The following CHST9 variants were observed in gnomAD, a reference collection of about 807,000 sequenced individuals.
CHST9 encodes carbohydrate sulfotransferase 9.
A neutral mutation model predicts 44.4 loss-of-function variants in CHST9; 41 were observed. The ratio of observed to expected loss-of-function variants is 0.92; its 90% CI spans 0.72 to 1.20. CHST9 has a LOEUF of 1.20. Among genes scored for constraint, CHST9 ranks in the 50% most tolerant of loss-of-function variants. CHST9 has a pLI of 0.00. For missense variants in CHST9, 504 were observed against 516.5 expected (o/e 0.98, Z 0.23); for synonymous variants, 171 against 178.4 (o/e 0.96, Z 0.33).
chr18:26,916,343 A>G lies in CHST9; in HGVS notation c.1248T>C (p.Asp416=). The change falls in exon 6 of 6, where the codon GAT becomes GAC. Residue 416 remains aspartate (D), a synonymous_variant. Transcript: ENST00000618847. ...NAQVVRQYLK[D]LTRTERQLIY... is the part of the protein sequence containing the mutation. ...TTAATTGTCTCTCAGTTCTAGTCAGATCCTTTAAATACTGTCTCACGACTT... is the reference window on the plus strand; with the variant it reads ...TTAATTGTCTCTCAGTTCTAGTCAGGTCCTTTAAATACTGTCTCACGACTT... 1 of 1,613,118 alleles carries G rather than the reference A, an allele frequency of 6.2e-7. No individual in the cohort carries two copies. Among genetic ancestry groups the G allele is most frequent in the Non-Finnish European group, 8.5e-7 (1 of 1,179,154 alleles).
intron 2 of CHST9, among the ~76,000 whole-genome samples, chr18:27,110,742 C>A (rs1193559709): frequency 6.6e-6 from 1 of 152,218 alleles, no homozygotes; most frequent in Non-Finnish European, 1.5e-5. Context: ...ATGCCAATTT[C>A]TTCATCTGTG....
At chr18:27,155,439 T>A (rs566147273) in intron 1 of CHST9, among the ~76,000 whole-genome samples, 14 of 152,288 alleles carry the variant, frequency 9.2e-5, no homozygotes, top group African/African-American at 3.1e-4. Context: ...CCAGATATGA[T>A]TAAGGCCCTG....
At chr18:26,955,454 GT>G (rs893078441) in intron 4 of CHST9, among the ~76,000 whole-genome samples, 1 of 152,090 alleles carries the variant, frequency 6.6e-6, no homozygotes, top group East Asian at 1.9e-4. Flanking sequence ...TACTCAAATA[GT>G]TTTTTTGGGG....
chr18:27,141,336 GC>G (rs1435235539), intron 2 of CHST9, among the ~76,000 whole-genome samples: 1 of 152,094 alleles, frequency 6.6e-6, no homozygotes, highest in Non-Finnish European at 1.5e-5. Flanking sequence ...CTGCACTCCA[GC>G]CTAGGCGACT....
intron 2 of CHST9, among the ~76,000 whole-genome samples, chr18:27,098,078 A>G (rs1328814849): frequency 6.6e-6 from 1 of 152,088 alleles, no homozygotes; most frequent in Non-Finnish European, 1.5e-5. Flanking sequence ...AACATCTAAT[A>G]TCCAGAATCT....
chr18:26,962,186 C>T (rs898685511), intron 4 of CHST9, among the ~76,000 whole-genome samples: 1 of 152,158 alleles, frequency 6.6e-6, no homozygotes, highest in African/African-American at 2.4e-5. Context: ...CACCCACTGA[C>T]TCTTCCAGCC....
At chr18:27,100,122 C>T (rs1040481353) in intron 2 of CHST9, among the ~76,000 whole-genome samples, 7 of 151,918 alleles carry the variant, frequency 4.6e-5, no homozygotes. Context: ...ACGAGTGCAG[C>T]TGGAAACAAT....
intron 4 of CHST9, among the ~76,000 whole-genome samples, chr18:26,998,269 C>G (rs1381454972): frequency 6.6e-6 from 1 of 152,164 alleles, no homozygotes; most frequent in African/African-American, 2.4e-5. Flanking sequence ...TCCTGTATCC[C>G]CTTTGAGGGA....
chr18:27,088,388 AC>A (rs2058033395), intron 2 of CHST9, among the ~76,000 whole-genome samples: 1 of 138,328 alleles, frequency 7.2e-6, no homozygotes, highest in Non-Finnish European at 1.6e-5. Flanking sequence ...AATTATTAAC[AC>A]TTTTTTTTTT....
intron 5 of CHST9, among the ~76,000 whole-genome samples, chr18:26,920,941 T>G (rs1299279463): frequency 6.6e-6 from 1 of 152,164 alleles, no homozygotes; most frequent in African/African-American, 2.4e-5. Flanking sequence ...AATCCGGATT[T>G]CCAGGCCTTA....
intron 4 of CHST9, among the ~76,000 whole-genome samples, chr18:27,006,545 G>T (rs538401675): frequency 1.3e-5 from 2 of 152,134 alleles, no homozygotes; most frequent in East Asian, 1.9e-4. Flanking sequence ...AGATGTCAGA[G>T]ATCATTAGTT....
intron 2 of CHST9, among the ~76,000 whole-genome samples, chr18:27,098,399 C>A (rs920226354): frequency 2.0e-5 from 3 of 152,040 alleles, no homozygotes; most frequent in African/African-American, 7.2e-5. Context: ...CGTGGTGATT[C>A]CTCAAGGATC....
intron 1 of CHST9, among the ~76,000 whole-genome samples, chr18:27,149,622 A>G (rs2058644295): frequency 2.2e-5 from 3 of 138,146 alleles, no homozygotes; most frequent in Non-Finnish European, 4.7e-5. Context: ...TTCTTTTTAC[A>G]TTGTATTTTT....
chr18:27,100,636 T>A (rs1207434048), intron 2 of CHST9, among the ~76,000 whole-genome samples: 3 of 152,158 alleles, frequency 2.0e-5, no homozygotes, highest in East Asian at 1.9e-4. Context: ...CGGTAAAATA[T>A]GATGCATGTG....
intron 4 of CHST9, among the ~76,000 whole-genome samples, chr18:26,950,454 A>G (rs893090841): frequency 2.6e-5 from 4 of 152,224 alleles, no homozygotes; most frequent in African/African-American, 9.6e-5. Context: ...CGCAGTTGCA[A>G]AAATGTAGAA....
intron 5 of CHST9, among the ~76,000 whole-genome samples, chr18:26,940,217 G>C (rs1282661356): frequency 6.8e-6 from 1 of 147,598 alleles, no homozygotes; most frequent in African/African-American, 2.5e-5. Context: ...TAAAACATGA[G>C]ACTCAGAAAA....
At chr18:27,008,055 G>A (rs2057038351) in intron 4 of CHST9, among the ~76,000 whole-genome samples, 1 of 152,106 alleles carries the variant, frequency 6.6e-6, no homozygotes, top group South Asian at 2.1e-4. Context: ...GTTCATGGGA[G>A]GACACGGAGA....
chr18:27,013,012 T>C (rs2057104230), intron 4 of CHST9, among the ~76,000 whole-genome samples: 1 of 152,244 alleles, frequency 6.6e-6, no homozygotes, highest in Non-Finnish European at 1.5e-5. Flanking sequence ...CTCTGTCATA[T>C]ACCTCTGTCA....
intron 3 of CHST9, among the ~76,000 whole-genome samples, chr18:27,040,463 C>T (rs1295742285): frequency 6.6e-6 from 1 of 152,224 alleles, no homozygotes; most frequent in Non-Finnish European, 1.5e-5. Context: ...TCTGGTGTCC[C>T]CCACAACAGG....
Sources: gnomAD v4.1 joint callset for allele counts (sites outside exome capture counted in the v4.1 genomes callset) on GRCh38, gnomAD v4.1.1 for gene constraint, MANE v1.5 for transcripts, NCBI Gene and HGNC (gene_info 2026-07-23, HGNC 2026-07-21) for gene names.